EPB41L2: variants seen among roughly 807,000 people sequenced by gnomAD.
EPB41L2 encodes the protein band 4.1-like protein 2.
EPB41L2 carries 43 observed loss-of-function variants against 113.0 expected under a neutral mutation model. That is an observed-to-expected ratio of 0.38 (90% CI 0.30 to 0.49). The LOEUF (loss-of-function observed/expected upper bound fraction) is 0.49, where lower values mean the gene tolerates loss of function less well. Among genes scored for constraint, EPB41L2 ranks in the 20% least tolerant of loss-of-function variants. The pLI, the probability that EPB41L2 is intolerant of heterozygous loss-of-function variation, is 0.95. For synonymous variants in EPB41L2, 442 were observed against 436.7 expected (o/e 1.01, Z -0.15); for missense variants, 1,147 against 1,223.4 (o/e 0.94, Z 0.93).
At chr6:131,034,969 C>T (rs926846464) in intron 1 of EPB41L2, among the ~76,000 whole-genome samples, 2 of 152,202 alleles carry the variant, frequency 1.3e-5, no homozygotes, top group South Asian at 4.1e-4. Flanking sequence ...AGATTCTTCA[C>T]ACCTAACTGC....
chr6:130,901,067 T>C lies in EPB41L2; in HGVS notation c.1043A>G (p.Tyr348Cys), dbSNP rs544017577. 1.2e-5 allele frequency: 19 copies of C among 1,614,090 alleles called. No individual in the cohort carries two copies. Among genetic ancestry groups the C allele is most frequent in the East Asian group, 6.7e-5 (3 of 44,882 alleles). ...GATGCTGCCATGTTCTTCTGGGTCA[T>C]AGTCACCAAGTTCAGCCTGCAGGGT... is the stretch of plus-strand genomic sequence containing the variant. ...SYTLQAELGD[Y>C]DPEEHGSIDL... Residue 348 changes from tyrosine (Y) to cysteine (C), a missense_variant, in exon 7 of 20, where the codon TAT becomes TGT. Coordinates refer to ENST00000337057, the MANE Select transcript of EPB41L2 (RefSeq NM_001431.4).
intron 1 of EPB41L2, among the ~76,000 whole-genome samples, chr6:131,047,321 C>T (rs1227851082): frequency 6.6e-6 from 1 of 151,938 alleles, no homozygotes; most frequent in African/African-American, 2.4e-5. Flanking sequence ...TACTCCGGCC[C>T]AGACAACACA....
At chr6:130,848,198 CTCACACACACA>C (rs1777655596) in intron 19 of EPB41L2, among the ~76,000 whole-genome samples, 1 of 79,018 alleles carries the variant, frequency 1.3e-5, no homozygotes, top group African/African-American at 9.3e-5. Context: ...CTCTCTCTCT[CTCACACACACA>C]CACACACACA....
chr6:131,044,082 T>C (rs916195204), intron 1 of EPB41L2, among the ~76,000 whole-genome samples: 2 of 148,032 alleles, frequency 1.4e-5, no homozygotes, highest in Non-Finnish European at 3.0e-5. Flanking sequence ...AGTGCAGTAG[T>C]GAAATCACCA....
At chr6:130,952,409 A>G (rs879271869) in intron 3 of EPB41L2, among the ~76,000 whole-genome samples, 7 of 129,904 alleles carry the variant, frequency 5.4e-5, no homozygotes, top group African/African-American at 1.8e-4. Context: ...AGGGGAATAA[A>G]CTAGTTTAGT....
chr6:130,997,893 G>A (rs948587867), intron 1 of EPB41L2, among the ~76,000 whole-genome samples: 3 of 152,054 alleles, frequency 2.0e-5, no homozygotes, highest in Non-Finnish European at 4.4e-5. Flanking sequence ...TTTAAAAATC[G>A]AGTTATTGCA....
chr6:131,059,461 T>G (rs576374246), intron 1 of EPB41L2, among the ~76,000 whole-genome samples: 2 of 152,234 alleles, frequency 1.3e-5, no homozygotes, highest in African/African-American at 4.8e-5. Flanking sequence ...CATTTCCCTA[T>G]AGTTAATGAC....
intron 1 of EPB41L2, among the ~76,000 whole-genome samples, chr6:131,053,891 C>T (rs1797111622): frequency 6.6e-6 from 1 of 152,190 alleles, no homozygotes; most frequent in Non-Finnish European, 1.5e-5. Flanking sequence ...CCCTTAATTG[C>T]CAGTTGGTGG....
intron 1 of EPB41L2, chr6:130,978,519 A>T (rs1323190443): frequency 1.3e-5 from 2 of 152,212 alleles, no homozygotes; most frequent in East Asian, 3.8e-4. Flanking sequence ...AATCCTAACC[A>T]CAAGTGCCAA....
intron 5 of EPB41L2, among the ~76,000 whole-genome samples, chr6:130,904,917 T>C (rs911931896): frequency 2.0e-4 from 13 of 65,588 alleles, no homozygotes; most frequent in Admixed American, 8.5e-4. Flanking sequence ...TTCTCCACCC[T>C]TTTTTTTTTT....
intron 1 of EPB41L2, among the ~76,000 whole-genome samples, chr6:131,049,139 A>C (rs995419618): frequency 6.6e-6 from 1 of 152,232 alleles, no homozygotes; most frequent in African/African-American, 2.4e-5. Context: ...AAAAGTTTAG[A>C]ATATCTTCAA....
chr6:131,023,214 T>C (rs1284775535), intron 1 of EPB41L2, among the ~76,000 whole-genome samples: 1 of 152,222 alleles, frequency 6.6e-6, no homozygotes, highest in African/African-American at 2.4e-5. Flanking sequence ...ATGTAATAAA[T>C]GCAATATTTA....
At chr6:130,890,505 G>GT in intron 10 of EPB41L2, 39 bp from the exon 11 acceptor site, 1 of 1,559,144 alleles carries the variant, frequency 6.4e-7, no homozygotes, top group Non-Finnish European at 8.6e-7. Context: ...AGAGAGAAAG[G>GT]GGAAGCAAAA....
chr6:130,992,658 G>A (rs947237531), intron 1 of EPB41L2, among the ~76,000 whole-genome samples: 1 of 148,616 alleles, frequency 6.7e-6, no homozygotes, highest in East Asian at 2.0e-4. Flanking sequence ...TTGAGACAGA[G>A]CCTCGCTCAG....
At chr6:130,926,793 G>T (rs1583526515) in intron 3 of EPB41L2, 84 bp from the exon 4 acceptor site, 1 of 743,956 alleles carries the variant, frequency 1.3e-6, no homozygotes. Context: ...TCAGATACAT[G>T]ATTTATTATA....
Position 130,886,736 on chromosome 6 carries a change from C to T in EPB41L2, c.1661-1468G>A, listed in dbSNP as rs766273967. Among the ~76,000 whole-genome samples, 68 of 152,188 alleles carry T rather than the reference C, an allele frequency of 4.5e-4. 1 individual carries two copies. Among genetic ancestry groups the T allele is most frequent in the Admixed American group, 7.8e-4 (12 of 15,296 alleles). On this transcript the variant is annotated intron_variant, in intron 11 of 19. Coordinates refer to ENST00000337057, the MANE Select transcript of EPB41L2 (RefSeq NM_001431.4). ...GCAACCTCCATTTCCTAGGTTCAAGCGATTCTCCTGCCTCAGCCTCCTGAG... is the reference window on the plus strand; with the variant it reads ...GCAACCTCCATTTCCTAGGTTCAAGTGATTCTCCTGCCTCAGCCTCCTGAG...
chr6:130,996,438 A>G (rs1362718813), intron 1 of EPB41L2, among the ~76,000 whole-genome samples: 9 of 152,178 alleles, frequency 5.9e-5, no homozygotes, highest in African/African-American at 2.2e-4. Context: ...ACTTGTTTCA[A>G]AGCCTTCTTA....
chr6:130,853,573 T>C (rs1447198424), intron 19 of EPB41L2, among the ~76,000 whole-genome samples: 1 of 152,230 alleles, frequency 6.6e-6, no homozygotes, highest in East Asian at 1.9e-4. Context: ...TGTTTTCTTT[T>C]TAACGGGGTT....
chr6:130,955,259 T>C lies in EPB41L2; in HGVS notation c.551A>G (p.Lys184Arg). ...CCTTTTTGCTGCTCCTCCTTCTAAT[T>C]TGTCTTCCTGTGTTTCTTTTACCTT... Reference protein sequence around the residue: ...EEKVKETQEDKLEGGAAKRET... With the variant: ...EEKVKETQEDRLEGGAAKRET... The change falls in exon 3 of 20, where the codon AAA (lysine) becomes AGA (arginine). Residue 184 changes from lysine (K) to arginine (R), a missense_variant. Physicochemically the swap from Lys to Arg is conservative, Grantham distance 26. Coordinates refer to ENST00000337057, the MANE Select transcript of EPB41L2 (RefSeq NM_001431.4). 6.2e-7 allele frequency: 1 copy of C among 1,614,152 alleles called. No individual in the cohort carries two copies. Among genetic ancestry groups the C allele is most frequent in the Non-Finnish European group, 8.5e-7 (1 of 1,180,022 alleles).
Sources: allele counts gnomAD v4.1 joint callset (sites outside exome capture counted in the v4.1 genomes callset), GRCh38; gene constraint gnomAD v4.1.1; transcripts MANE v1.5; gene names NCBI Gene and HGNC (gene_info 2026-07-23, HGNC 2026-07-21).